Variants in TTC23 observed in about 807,000 individuals in gnomAD.
The protein encoded by TTC23 is tetratricopeptide repeat protein 23.
A neutral mutation model predicts 55.1 loss-of-function variants in TTC23; 58 were observed. The ratio of observed to expected loss-of-function variants is 1.05; its 90% CI spans 0.85 to 1.31. The LOEUF is 1.31. Among genes scored for constraint, TTC23 ranks in the 50% most tolerant of loss-of-function variants. The pLI is 0.00. For missense variants in TTC23, 516 were observed against 534.4 expected (o/e 0.97, Z 0.34); for synonymous variants, 203 against 199.9 (o/e 1.02, Z -0.13).
chr15:99,226,918 G>C (rs1168204338), intron 5 of TTC23, among the ~76,000 whole-genome samples: 1 of 152,194 alleles, frequency 6.6e-6, no homozygotes, highest in Non-Finnish European at 1.5e-5. Context: ...TATGCACCTT[G>C]TCTGTCCTGT....
At chr15:99,156,648 G>A (rs1832579983) in intron 11 of TTC23, among the ~76,000 whole-genome samples, 2 of 152,166 alleles carry the variant, frequency 1.3e-5, no homozygotes, top group Non-Finnish European at 2.9e-5. Context: ...AGTCACTATC[G>A]CAAGAACGGC....
intron 12 of TTC23, chr15:99,145,200 C>T (rs1210340763): frequency 1.1e-4 from 17 of 152,346 alleles, no homozygotes; most frequent in African/African-American, 3.8e-4. Context: ...TCCACATTCG[C>T]CACTTCCTGA....
chr15:99,199,038 T>C (rs2075978721), intron 9 of TTC23, among the ~76,000 whole-genome samples: 2 of 152,230 alleles, frequency 1.3e-5, no homozygotes, highest in Non-Finnish European at 2.9e-5. Flanking sequence ...AACGCTAGTC[T>C]AGGTGTTGCA....
intron 8 of TTC23, among the ~76,000 whole-genome samples, chr15:99,207,918 AT>A (rs1251196895): frequency 6.6e-6 from 1 of 152,202 alleles, no homozygotes; most frequent in African/African-American, 2.4e-5. Context: ...AAAATTGAAG[AT>A]GCAGATGCTT....
chr15:99,222,870 G>C (rs951175551), intron 5 of TTC23, among the ~76,000 whole-genome samples: 1 of 147,762 alleles, frequency 6.8e-6, no homozygotes, highest in Non-Finnish European at 1.5e-5. Flanking sequence ...GGTGGCGGCC[G>C]CCCGTAGTCC....
intron 8 of TTC23, among the ~76,000 whole-genome samples, chr15:99,214,682 G>C (rs2077317773): frequency 6.6e-6 from 1 of 151,766 alleles, no homozygotes; most frequent in Non-Finnish European, 1.5e-5. Context: ...TTCCACCTCA[G>C]CCTCTCAAAG....
At chr15:99,183,120 A>C (rs1459358672) in intron 9 of TTC23, among the ~76,000 whole-genome samples, 1 of 152,190 alleles carries the variant, frequency 6.6e-6, no homozygotes, top group Non-Finnish European at 1.5e-5. Context: ...TTTGGCCAAA[A>C]TGCTGATAGT....
At chr15:99,201,857 C>T (rs1187181296) in intron 8 of TTC23, among the ~76,000 whole-genome samples, 1 of 152,044 alleles carries the variant, frequency 6.6e-6, no homozygotes, top group East Asian at 1.9e-4. Flanking sequence ...GAAGAGAAAA[C>T]CCATTAGAAC....
At chr15:99,139,284 G>A in intron 13 of TTC23, 33 bp downstream of exon 13, 1 of 1,605,514 alleles carries the variant, frequency 6.2e-7, no homozygotes. Context: ...GAAAGGGAAT[G>A]AGATAGAGAA....
intron 9 of TTC23, among the ~76,000 whole-genome samples, chr15:99,182,649 CCT>C (rs1159944558): frequency 4.6e-5 from 7 of 151,456 alleles, no homozygotes; most frequent in Non-Finnish European, 2.9e-5. Context: ...TCTTCTGTCT[CCT>C]AATGTATACT....
chr15:99,160,359 T>C (rs1255039236), intron 11 of TTC23: 1 of 152,048 alleles, frequency 6.6e-6, no homozygotes, highest in East Asian at 1.9e-4. Context: ...CAGCCCTCCA[T>C]ATCCATAGAT....
intron 8 of TTC23, among the ~76,000 whole-genome samples, chr15:99,210,329 G>T (rs1395726550): frequency 1.3e-5 from 2 of 152,072 alleles, no homozygotes; most frequent in African/African-American, 4.8e-5. Flanking sequence ...GTGCCATGTG[G>T]TTTTTCTTTG....
At chr15:99,236,628 T>G (rs932824103) in intron 3 of TTC23, among the ~76,000 whole-genome samples, 7 of 152,164 alleles carry the variant, frequency 4.6e-5, no homozygotes, top group African/African-American at 1.7e-4. Flanking sequence ...GCTCAAGTGA[T>G]CCTCCTGCCT....
chr15:99,213,637 T>C (rs946156617), intron 8 of TTC23, among the ~76,000 whole-genome samples: 2 of 152,240 alleles, frequency 1.3e-5, no homozygotes. Context: ...AACAACCTTC[T>C]TCCTCCTCCA....
intron 8 of TTC23, among the ~76,000 whole-genome samples, chr15:99,203,576 T>C (rs1031507233): frequency 6.6e-6 from 1 of 152,132 alleles, no homozygotes; most frequent in Non-Finnish European, 1.5e-5. Context: ...ATTCCCATTA[T>C]TCACCTGTAT....
chr15:99,229,032 C>T (rs770096213), intron 4 of TTC23, among the ~76,000 whole-genome samples: 6 of 97,100 alleles, frequency 6.2e-5, no homozygotes, highest in East Asian at 4.8e-4. Context: ...TACATACATA[C>T]GTAAAGTCCA....
intron 9 of TTC23, among the ~76,000 whole-genome samples, chr15:99,192,144 C>T (rs899028746): frequency 6.6e-6 from 1 of 152,180 alleles, no homozygotes; most frequent in African/African-American, 2.4e-5. Flanking sequence ...TAAAGGCATT[C>T]AGTTTCAAAA....
At chr15:99,139,718 A>G (rs781955749) in intron 12 of TTC23, 71 of 1,354,960 alleles carry the variant, frequency 5.2e-5, no homozygotes, top group Middle Eastern at 2.1e-4. Context: ...TCCAGTTTCT[A>G]TTTTTAAATG....
chr15:99,223,411 G>A (rs1303199513), intron 5 of TTC23, among the ~76,000 whole-genome samples: 2 of 152,200 alleles, frequency 1.3e-5, no homozygotes, highest in African/African-American at 4.8e-5. Context: ...AAAGACACCA[G>A]GGATGGGCAT....
Sources: allele counts gnomAD v4.1 joint callset (sites outside exome capture counted in the v4.1 genomes callset), GRCh38; gene constraint gnomAD v4.1.1; transcripts MANE v1.5; gene names NCBI Gene and HGNC (gene_info 2026-07-23, HGNC 2026-07-21).